PRR16: variants seen among roughly 807,000 people sequenced by gnomAD.
PRR16 encodes the protein protein Largen.
In PRR16, 6 loss-of-function variants were observed where a neutral mutation model predicts 18.2. The observed-to-expected ratio is 0.33, with a 90% CI of 0.18 to 0.65. The LOEUF is 0.65. PRR16 is among the 30% of genes least tolerant of loss of function. The probability of loss-of-function intolerance (pLI) is 0.74; values close to 1 mark genes in which losing one functional copy is unlikely to be tolerated. For synonymous variants in PRR16, 151 were observed against 147.8 expected, an observed-to-expected ratio of 1.02 and a Z score of -0.16; for missense variants, 412 against 376.6, an observed-to-expected ratio of 1.09 and a Z score of -0.78.
chr5:120,640,421 A>C (rs1305029221), intron 1 of PRR16, among the ~76,000 whole-genome samples: 1 of 152,196 alleles, frequency 6.6e-6, no homozygotes, highest in African/African-American at 2.4e-5. Context: ...CCATGTAGAA[A>C]GAGAAACATG....
intron 1 of PRR16, among the ~76,000 whole-genome samples, chr5:120,615,595 A>C (rs544490760): frequency 6.6e-6 from 1 of 151,984 alleles, no homozygotes; most frequent in East Asian, 1.9e-4. Flanking sequence ...TATGATTAGA[A>C]AATTTGACAG....
chr5:120,523,897 A>G (rs888746945), intron 1 of PRR16, among the ~76,000 whole-genome samples: 1 of 152,184 alleles, frequency 6.6e-6, no homozygotes, highest in Non-Finnish European at 1.5e-5. Flanking sequence ...TCAACCCAAG[A>G]GAAATATACA....
At chr5:120,673,317 TGGGG>T (rs1756679008) in intron 1 of PRR16, among the ~76,000 whole-genome samples, 1 of 152,216 alleles carries the variant, frequency 6.6e-6, no homozygotes. Context: ...CATGATGATT[TGGGG>T]CATTTCTACG....
chr5:120,470,688 T>G (rs1203185524), intron 1 of PRR16, among the ~76,000 whole-genome samples: 2 of 152,134 alleles, frequency 1.3e-5, no homozygotes, highest in African/African-American at 2.4e-5. Context: ...TGCCAGGTAC[T>G]CTTCTCAGCG....
At chr5:120,530,857 A>G (rs1255556380) in intron 1 of PRR16, among the ~76,000 whole-genome samples, 1 of 152,200 alleles carries the variant, frequency 6.6e-6, no homozygotes, top group Non-Finnish European at 1.5e-5. Flanking sequence ...AGCTTAAGAC[A>G]ATCCCTGCTA....
chr5:120,473,654 G>A (rs1749345581), intron 1 of PRR16, among the ~76,000 whole-genome samples: 1 of 152,116 alleles, frequency 6.6e-6, no homozygotes. Context: ...TATTCAACAA[G>A]TAGTGTTTAA....
At chr5:120,779,971 C>G in the PRR16 span, among the ~76,000 whole-genome samples, 1 of 152,122 alleles carries the variant, frequency 6.6e-6, no homozygotes, top group East Asian at 1.9e-4. Flanking sequence ...CTGTTTATGT[C>G]TCTTTATAAA....
At chr5:120,541,390 C>A (rs1751909820) in intron 1 of PRR16, among the ~76,000 whole-genome samples, 1 of 152,174 alleles carries the variant, frequency 6.6e-6, no homozygotes, top group Admixed American at 6.5e-5. Flanking sequence ...AGCTGATCTG[C>A]CCACCTCAGC....
intron 1 of PRR16, among the ~76,000 whole-genome samples, chr5:120,559,162 G>C (rs78301576): frequency 0.049 from 7,459 of 151,662 alleles, 197 homozygotes; most frequent in African/African-American, 0.075. Flanking sequence ...ATGTGATCCC[G>C]TTTGTTTCTT....
At chr5:120,673,568 G>C (rs557002586) in intron 1 of PRR16, among the ~76,000 whole-genome samples, 3 of 152,202 alleles carry the variant, frequency 2.0e-5, no homozygotes, top group Admixed American at 6.5e-5. Context: ...ATCTTATCTA[G>C]AGTGGAATTT....
At chr5:120,471,390 C>T (rs1381994449) in intron 1 of PRR16, among the ~76,000 whole-genome samples, 1 of 152,024 alleles carries the variant, frequency 6.6e-6, no homozygotes, top group African/African-American at 2.4e-5. Flanking sequence ...ATATATTATT[C>T]TCTTTTGTTG....
intron 1 of PRR16, among the ~76,000 whole-genome samples, chr5:120,514,095 G>A (rs899184042): frequency 7.9e-5 from 12 of 152,090 alleles, no homozygotes; most frequent in African/African-American, 2.7e-4. Context: ...CCAGCATTTA[G>A]CATCGTGTTT....
At chr5:120,483,297 A>G (rs1160679007) in intron 1 of PRR16, among the ~76,000 whole-genome samples, 1 of 152,178 alleles carries the variant, frequency 6.6e-6, no homozygotes, top group African/African-American at 2.4e-5. Flanking sequence ...GAAATGCAAG[A>G]GAAATAAAGC....
chr5:120,673,401 G>T (rs949030244), intron 1 of PRR16, among the ~76,000 whole-genome samples: 1 of 152,062 alleles, frequency 6.6e-6, no homozygotes, highest in Non-Finnish European at 1.5e-5. Flanking sequence ...CAGGTACTTT[G>T]GTCTTATTTT....
the PRR16 span, among the ~76,000 whole-genome samples, chr5:120,705,838 CAAG>C: frequency 1.7e-4 from 26 of 151,790 alleles, no homozygotes; most frequent in African/African-American, 5.3e-4. Context: ...GAGCCTGGTA[CAAG>C]ATGATGTGGA....
chr5:120,730,714 G>C, the PRR16 span, among the ~76,000 whole-genome samples: 3 of 152,260 alleles, frequency 2.0e-5, no homozygotes, highest in African/African-American at 7.2e-5. Flanking sequence ...AGCATGTTGA[G>C]TTTAAAAAGA....
At chr5:120,550,901 G>C (rs1417023465) in intron 1 of PRR16, among the ~76,000 whole-genome samples, 1 of 151,854 alleles carries the variant, frequency 6.6e-6, no homozygotes, top group East Asian at 1.9e-4. Context: ...GTTTACTCAA[G>C]TTTACTAAGT....
At chr5:120,474,084 T>C (rs1561504883) in intron 1 of PRR16, among the ~76,000 whole-genome samples, 1 of 151,844 alleles carries the variant, frequency 6.6e-6, no homozygotes, top group East Asian at 1.9e-4. Context: ...GTGGCAGGAG[T>C]GGACGAGCAG....
chr5:120,633,119 C>T (rs1317681350), intron 1 of PRR16, among the ~76,000 whole-genome samples: 2 of 152,058 alleles, frequency 1.3e-5, no homozygotes, highest in East Asian at 3.9e-4. Context: ...AATTTTTTAT[C>T]CAAGGAAACT....
Sources: gnomAD v4.1 joint callset for allele counts (sites outside exome capture counted in the v4.1 genomes callset) on GRCh38, gnomAD v4.1.1 for gene constraint, MANE v1.5 for transcripts, NCBI Gene and HGNC (gene_info 2026-07-23, HGNC 2026-07-21) for gene names.